The following GNA12 variants were observed in gnomAD, a reference collection of about 807,000 sequenced individuals.
The protein encoded by GNA12 is guanine nucleotide-binding protein subunit alpha-12.
In GNA12, 9 loss-of-function variants were observed where a neutral mutation model predicts 26.0. The observed-to-expected ratio is 0.35, with a 90% CI of 0.21 to 0.60. GNA12 has a LOEUF of 0.60. Ranked by LOEUF, GNA12 falls within the 20% of genes least tolerant of loss-of-function variation. GNA12 has a pLI of 0.78. For synonymous variants in GNA12, 264 were observed against 219.6 expected, an observed-to-expected ratio of 1.20 and a Z score of -1.79; for missense variants, 405 against 525.8, an observed-to-expected ratio of 0.77 and a Z score of 2.25.
intron 2 of GNA12, among the ~76,000 whole-genome samples, chr7:2,768,553 A>T (rs1791865405): frequency 6.6e-6 from 1 of 152,238 alleles, no homozygotes; most frequent in Non-Finnish European, 1.5e-5. Context: ...CAAAGGTTAG[A>T]GTAAAACCTA....
intron 1 of GNA12, among the ~76,000 whole-genome samples, chr7:2,800,167 T>C (rs1361230156): frequency 6.6e-6 from 1 of 152,220 alleles, no homozygotes; most frequent in Non-Finnish European, 1.5e-5. Context: ...GGGAGTTCAC[T>C]ACGGAAATGC....
intron 1 of GNA12, among the ~76,000 whole-genome samples, chr7:2,811,187 T>C (rs1389277226): frequency 3.3e-5 from 5 of 152,294 alleles, no homozygotes; most frequent in Non-Finnish European, 7.3e-5. Context: ...AGGCGAACCA[T>C]TTCAGGTTCA....
chr7:2,829,070 C>G (rs1410565057), intron 1 of GNA12, among the ~76,000 whole-genome samples: 1 of 120,320 alleles, frequency 8.3e-6, no homozygotes, highest in Non-Finnish European at 1.8e-5. Context: ...CAGACCCTGT[C>G]TCAGGAAAAA....
At chr7:2,785,959 C>T (rs905564142) in intron 2 of GNA12, among the ~76,000 whole-genome samples, 3 of 152,082 alleles carry the variant, frequency 2.0e-5, no homozygotes, top group Admixed American at 6.5e-5. Flanking sequence ...CCCAGCTACT[C>T]GGGAGGCTGA....
rs75058716 is a variant in GNA12, at chr7:2,828,634, C to T, written c.309+15219G>A. Among the ~76,000 whole-genome samples the T allele has an allele frequency of 9.2e-3, 1,395 of 152,298 alleles. 16 individuals are homozygous for T. Among genetic ancestry groups the T allele is most frequent in the African/African-American group, 0.032 (1,313 of 41,560 alleles). On this transcript the variant is annotated intron_variant, in intron 1 of 3. Coordinates refer to ENST00000275364, the MANE Select transcript of GNA12 (RefSeq NM_007353.3). ...TAGCTCCTGTTACCTTAGGACGCTA[C>T]GTTAAAACACCAGGAAAGGGAAAAC...
chr7:2,774,328 G>A (rs188663491), intron 2 of GNA12, among the ~76,000 whole-genome samples: 32 of 152,254 alleles, frequency 2.1e-4, no homozygotes, highest in African/African-American at 7.5e-4. Context: ...AATGAAATAG[G>A]GAAAGGTAAT....
chr7:2,833,640 TGTTTG>T (rs1038860979), intron 1 of GNA12, among the ~76,000 whole-genome samples: 1 of 152,242 alleles, frequency 6.6e-6, no homozygotes, highest in African/African-American at 2.4e-5. Flanking sequence ...GCATTTGTTT[TGTTTG>T]GTTTTTTGGT....
intron 2 of GNA12, chr7:2,762,535 C>T (rs760646219): frequency 1.4e-4 from 170 of 1,212,314 alleles, no homozygotes; most frequent in Non-Finnish European, 1.8e-4. Context: ...AGTTCCACCA[C>T]GCCTTCTATT....
At chr7:2,741,990 A>G (rs1172446417) in intron 2 of GNA12, among the ~76,000 whole-genome samples, 1 of 151,910 alleles carries the variant, frequency 6.6e-6, no homozygotes, top group Non-Finnish European at 1.5e-5. Flanking sequence ...ATGCCTCTTT[A>G]GTTTCATTTA....
chr7:2,754,959 T>A (rs532540899), intron 2 of GNA12, among the ~76,000 whole-genome samples: 1 of 152,318 alleles, frequency 6.6e-6, no homozygotes, highest in South Asian at 2.1e-4. Flanking sequence ...TTGAATTAAT[T>A]TTGTATAAGA....
intron 2 of GNA12, among the ~76,000 whole-genome samples, chr7:2,751,711 T>A (rs998520233): frequency 6.6e-6 from 1 of 152,220 alleles, no homozygotes; most frequent in Non-Finnish European, 1.5e-5. Flanking sequence ...CATTGACAGG[T>A]ATTAAGAGAA....
At chr7:2,834,713 T>G (rs1030567945) in intron 1 of GNA12, among the ~76,000 whole-genome samples, 1 of 152,166 alleles carries the variant, frequency 6.6e-6, no homozygotes, top group South Asian at 2.1e-4. Flanking sequence ...TAACACCAGA[T>G]TTTTACAGCA....
chr7:2,737,274 GTT>G (rs1041056812), intron 2 of GNA12, among the ~76,000 whole-genome samples: 1 of 35,032 alleles, frequency 2.9e-5, no homozygotes. Flanking sequence ...GTTTTGTTTT[GTT>G]TTTTTTTTTT....
At chr7:2,775,078 A>G (rs902713536) in intron 2 of GNA12, among the ~76,000 whole-genome samples, 1 of 152,190 alleles carries the variant, frequency 6.6e-6, no homozygotes, top group African/African-American at 2.4e-5. Flanking sequence ...GAGGATGACT[A>G]ACATCTTTCA....
chr7:2,792,505 C>T (rs1043703559), intron 2 of GNA12, among the ~76,000 whole-genome samples: 1 of 152,234 alleles, frequency 6.6e-6, no homozygotes, highest in Non-Finnish European at 1.5e-5. Flanking sequence ...TCACTCAGTA[C>T]GATCAGCCCC....
intron 2 of GNA12, among the ~76,000 whole-genome samples, chr7:2,741,146 A>G (rs909642756): frequency 6.6e-6 from 1 of 152,274 alleles, no homozygotes; most frequent in Non-Finnish European, 1.5e-5. Flanking sequence ...AAAATGAGCT[A>G]GAAAGAAATT....
intron 2 of GNA12, among the ~76,000 whole-genome samples, chr7:2,778,247 G>A (rs1221241310): frequency 6.6e-6 from 1 of 152,112 alleles, no homozygotes; most frequent in Admixed American, 6.5e-5. Context: ...AATAAATCAA[G>A]CATTTCATTT....
intron 1 of GNA12, among the ~76,000 whole-genome samples, chr7:2,838,739 A>G (rs58433760): frequency 6.6e-6 from 1 of 152,242 alleles, no homozygotes; most frequent in Non-Finnish European, 1.5e-5. Flanking sequence ...TAATAAAAAC[A>G]TAAGTGGCTA....
intron 2 of GNA12, among the ~76,000 whole-genome samples, chr7:2,734,675 A>G (rs1173488622): frequency 6.6e-6 from 1 of 152,212 alleles, no homozygotes; most frequent in African/African-American, 2.4e-5. Flanking sequence ...GGAGGAGCCC[A>G]CCTTCCTACT....
Sources: gnomAD v4.1 joint callset for allele counts (sites outside exome capture counted in the v4.1 genomes callset) on GRCh38, gnomAD v4.1.1 for gene constraint, MANE v1.5 for transcripts, NCBI Gene and HGNC (gene_info 2026-07-23, HGNC 2026-07-21) for gene names.